The following CFAP61 variants were observed in gnomAD, a reference collection of about 807,000 sequenced individuals.
CFAP61 encodes cilia and flagella associated protein 61, also known as cilia- and flagella-associated protein 61.
Under a neutral mutation model 135.6 loss-of-function variants are expected in CFAP61, and 107 were observed. The ratio of observed to expected loss-of-function variants is 0.79; its 90% confidence interval spans 0.67 to 0.93. CFAP61 has a LOEUF of 0.93. Ranked by LOEUF, CFAP61 falls within the 40% of genes least tolerant of loss-of-function variation. CFAP61 has a pLI of 0.00. For missense variants in CFAP61, 1,507 were observed against 1,556.2 expected (o/e 0.97, Z 0.53); for synonymous variants, 575 against 578.5 (o/e 0.99, Z 0.09).
chr20:20,295,764 A>G (rs1289789376), intron 24 of CFAP61, among the ~76,000 whole-genome samples: 1 of 150,396 alleles, frequency 6.6e-6, no homozygotes, highest in African/African-American at 2.4e-5. Context: ...CACCCCATGC[A>G]ATGGTGTGAG....
At chr20:20,242,940 G>C (rs2050121309) in intron 18 of CFAP61, among the ~76,000 whole-genome samples, 2 of 152,208 alleles carry the variant, frequency 1.3e-5, no homozygotes, top group Non-Finnish European at 1.5e-5. Flanking sequence ...GGATGCTGGA[G>C]CCAGGCATCC....
chr20:20,221,368 A>G (rs138034752), intron 17 of CFAP61: 2 of 152,314 alleles, frequency 1.3e-5, no homozygotes, highest in South Asian at 2.1e-4. Flanking sequence ...TAATGATCAT[A>G]TGAGCTACTT....
chr20:20,085,037 G>A, intron 6 of CFAP61: 2 of 862,100 alleles, frequency 2.3e-6, no homozygotes, highest in Non-Finnish European at 2.8e-6. Flanking sequence ...GACACATTCA[G>A]AATGGAAGAT....
chr20:20,057,875 G>A (rs578198863), intron 2 of CFAP61, among the ~76,000 whole-genome samples: 3 of 152,070 alleles, frequency 2.0e-5, no homozygotes, highest in African/African-American at 7.2e-5. Flanking sequence ...ATGCCACCAT[G>A]CCTAGCTGTT....
chr20:20,163,399 A>C (rs1358022112), intron 10 of CFAP61, among the ~76,000 whole-genome samples: 1 of 152,138 alleles, frequency 6.6e-6, no homozygotes, highest in Non-Finnish European at 1.5e-5. Context: ...CCAAGATTCA[A>C]AAATTCTTGT....
chr20:20,172,299 A>T, intron 13 of CFAP61: 1 of 972,528 alleles, frequency 1.0e-6, no homozygotes, highest in Non-Finnish European at 1.2e-6. Context: ...GTTATGTTTG[A>T]TTTTTTTGTT....
chr20:20,224,766 A>G (rs112604853), intron 17 of CFAP61, among the ~76,000 whole-genome samples: 36 of 152,216 alleles, frequency 2.4e-4, no homozygotes, highest in African/African-American at 8.7e-4. Context: ...AATGTCTTGA[A>G]AGGATGTGGA....
In CFAP61 at chr20:20,296,605, A is replaced by C. The variant is rs547653992; in HGVS notation, c.3217-1576A>C. On this transcript the variant is annotated intron_variant, in intron 24 of 26. Coordinates refer to ENST00000245957, the MANE Select transcript of CFAP61 (RefSeq NM_015585.4). The stretch of plus-strand genomic sequence containing the variant: ...GAGTATTTAAAAATAACTTTTCCTC[A>C]TTTTAGAAGTAATGATCATTTTTTA... 1.1e-4 allele frequency among the ~76,000 whole-genome samples: 17 copies of C among 151,994 alleles called. No individual in the cohort carries two copies. In the South Asian group the frequency reaches 3.5e-3, roughly 32 times the overall value.
intron 17 of CFAP61, chr20:20,220,932 G>T (rs1232876327): frequency 1.3e-5 from 2 of 152,206 alleles, no homozygotes; most frequent in African/African-American, 4.8e-5. Context: ...GTTTGTTAAA[G>T]ACATATATCT....
At chr20:20,076,354 G>A (rs2046050169) in intron 6 of CFAP61, among the ~76,000 whole-genome samples, 1 of 152,310 alleles carries the variant, frequency 6.6e-6, no homozygotes, top group East Asian at 1.9e-4. Flanking sequence ...GCAAGGGGAG[G>A]GGTGGTTGAC....
At chr20:20,144,864 A>G (rs2051738513) in intron 9 of CFAP61, among the ~76,000 whole-genome samples, 1 of 152,206 alleles carries the variant, frequency 6.6e-6, no homozygotes, top group African/African-American at 2.4e-5. Flanking sequence ...GCAGAAAGAT[A>G]GTAGGATCAC....
chr20:20,298,770 A>G (rs1018388051), intron 25 of CFAP61, among the ~76,000 whole-genome samples: 1 of 152,184 alleles, frequency 6.6e-6, no homozygotes, highest in Non-Finnish European at 1.5e-5. Context: ...GGACTCCGCG[A>G]TCATGGGACG....
chr20:20,100,945 A>G (rs1378118490), intron 8 of CFAP61, among the ~76,000 whole-genome samples: 1 of 152,214 alleles, frequency 6.6e-6, no homozygotes, highest in Non-Finnish European at 1.5e-5. Flanking sequence ...GAAATAGGAA[A>G]ACTTATCTTC....
At chr20:20,174,348 CT>C (rs34508163) in intron 13 of CFAP61, among the ~76,000 whole-genome samples, 1 of 152,172 alleles carries the variant, frequency 6.6e-6, no homozygotes, top group Admixed American at 6.5e-5. Context: ...TGTCCATCGC[CT>C]TTTTCCATTC....
intron 8 of CFAP61, among the ~76,000 whole-genome samples, chr20:20,110,328 G>A (rs2146667712): frequency 6.6e-6 from 1 of 152,108 alleles, no homozygotes; most frequent in East Asian, 1.9e-4. Flanking sequence ...TTTGGTGGTT[G>A]TTAAGCTCTT....
At chr20:20,060,306 ACT>A (rs1378929960) in intron 2 of CFAP61, among the ~76,000 whole-genome samples, 1 of 152,288 alleles carries the variant, frequency 6.6e-6, no homozygotes, top group Admixed American at 6.5e-5. Flanking sequence ...TTGCCAATAA[ACT>A]CTGAATGGAG....
chr20:20,276,506 T>A (rs2053778321), intron 21 of CFAP61, among the ~76,000 whole-genome samples: 1 of 152,230 alleles, frequency 6.6e-6, no homozygotes, highest in African/African-American at 2.4e-5. Flanking sequence ...GTATAGACTA[T>A]TTATCATCAA....
At chr20:20,201,227 C>A (rs914781365) in intron 17 of CFAP61, among the ~76,000 whole-genome samples, 1 of 152,182 alleles carries the variant, frequency 6.6e-6, no homozygotes, top group Non-Finnish European at 1.5e-5. Context: ...ATGCTTCTCT[C>A]GGTCTCTCTT....
chr20:20,300,762 C>A (rs551155028), intron 25 of CFAP61, among the ~76,000 whole-genome samples: 1 of 152,082 alleles, frequency 6.6e-6, no homozygotes, highest in Non-Finnish European at 1.5e-5. Context: ...CGTGCTACCA[C>A]ACCCAGCTTA....
Sources: gnomAD v4.1 joint callset for allele counts (sites outside exome capture counted in the v4.1 genomes callset) on GRCh38, gnomAD v4.1.1 for gene constraint, MANE v1.5 for transcripts, NCBI Gene and HGNC (gene_info 2026-07-23, HGNC 2026-07-21) for gene names.